FOXP2: variants seen among roughly 807,000 people sequenced by gnomAD.
FOXP2 encodes forkhead box P2, also known as forkhead box protein P2.
Under a neutral mutation model 115.8 loss-of-function variants are expected in FOXP2, and 12 were observed. The observed-to-expected ratio is 0.10, with a 90% CI of 0.07 to 0.17. The LOEUF is 0.17. FOXP2 is among the 10% of genes least tolerant of loss of function. The pLI is 1.00. For synonymous variants in FOXP2, 328 were observed against 297.7 expected, an observed-to-expected ratio of 1.10 and a Z score of -1.05; for missense variants, 629 against 843.5, an observed-to-expected ratio of 0.75 and a Z score of 3.15.
intron 2 of FOXP2, among the ~76,000 whole-genome samples, chr7:114,373,809 A>C (rs1252174267): frequency 6.6e-6 from 1 of 152,232 alleles, no homozygotes; most frequent in African/African-American, 2.4e-5. Flanking sequence ...TAAGATAAGC[A>C]GTGTTCTATC....
At chr7:114,541,408 G>A (rs1005813142) in intron 3 of FOXP2, among the ~76,000 whole-genome samples, 2 of 151,986 alleles carry the variant, frequency 1.3e-5, no homozygotes, top group Non-Finnish European at 2.9e-5. Flanking sequence ...ATTAAGGAAG[G>A]TCAACAAAAG....
intron 3 of FOXP2, among the ~76,000 whole-genome samples, chr7:114,557,766 A>G (rs190207982): frequency 3.9e-5 from 6 of 152,062 alleles, no homozygotes; most frequent in East Asian, 1.9e-4. Flanking sequence ...TTTTGCAACA[A>G]GAATTTTGAC....
At chr7:114,200,357 C>G (rs1367793661) in intron 1 of FOXP2, among the ~76,000 whole-genome samples, 3 of 152,102 alleles carry the variant, frequency 2.0e-5, no homozygotes, top group African/African-American at 4.8e-5. Flanking sequence ...TATGTGACTT[C>G]TTAAGCAATT....
chr7:114,479,114 C>T (rs1294205064), intron 2 of FOXP2, among the ~76,000 whole-genome samples: 1 of 151,588 alleles, frequency 6.6e-6, no homozygotes. Flanking sequence ...AAATGGACAC[C>T]AACTCAAAAT....
At chr7:114,450,370 A>C (rs1168196174) in intron 2 of FOXP2, among the ~76,000 whole-genome samples, 1 of 152,126 alleles carries the variant, frequency 6.6e-6, no homozygotes, top group Admixed American at 6.6e-5. Context: ...CAGGCCTGCC[A>C]CATTAGTATG....
At chr7:114,525,972 C>T (rs1445923905) in intron 2 of FOXP2, among the ~76,000 whole-genome samples, 5 of 151,572 alleles carry the variant, frequency 3.3e-5, no homozygotes, top group African/African-American at 4.9e-5. Flanking sequence ...ATTATCTGGG[C>T]GTGGTAGCAG....
chr7:114,668,637 G>A (rs1435917646), intron 16 of FOXP2: 2 of 152,058 alleles, frequency 1.3e-5, no homozygotes, highest in East Asian at 3.9e-4. Flanking sequence ...CTAATACTTT[G>A]TGTACATGTG....
intron 2 of FOXP2, among the ~76,000 whole-genome samples, chr7:114,507,417 G>A (rs1005256734): frequency 6.6e-6 from 1 of 151,948 alleles, no homozygotes; most frequent in African/African-American, 2.4e-5. Context: ...TGTACATAGA[G>A]TGATGATACT....
intron 1 of FOXP2, among the ~76,000 whole-genome samples, chr7:114,110,724 G>C (rs1019524664): frequency 1.3e-5 from 2 of 152,116 alleles, no homozygotes; most frequent in African/African-American, 4.8e-5. Context: ...GGTTGAGTAT[G>C]GGATATCAAT....
chr7:114,607,814 A>G (rs1385553618), intron 3 of FOXP2, among the ~76,000 whole-genome samples: 1 of 152,214 alleles, frequency 6.6e-6, no homozygotes, highest in Non-Finnish European at 1.5e-5. Context: ...TCTAAGAAAT[A>G]TTTTTGAAAA....
intron 3 of FOXP2, among the ~76,000 whole-genome samples, chr7:114,588,924 G>T (rs891246877): frequency 6.6e-6 from 1 of 152,110 alleles, no homozygotes; most frequent in African/African-American, 2.4e-5. Flanking sequence ...GCTATAAAAA[G>T]AGTAGGAATT....
chr7:114,262,721 G>T (rs552519149), intron 1 of FOXP2, among the ~76,000 whole-genome samples: 1 of 152,258 alleles, frequency 6.6e-6, no homozygotes, highest in East Asian at 1.9e-4. Context: ...TGCAGGTCTA[G>T]TGTAAGGCAA....
intron 14 of FOXP2, among the ~76,000 whole-genome samples, chr7:114,662,422 T>C (rs372259942): frequency 1.8e-4 from 27 of 152,182 alleles, no homozygotes; most frequent in African/African-American, 6.3e-4. Context: ...AATTCAGCAT[T>C]TCTACGTGTA....
chr7:114,475,022 A>G (rs571839845), intron 2 of FOXP2, among the ~76,000 whole-genome samples: 3 of 152,184 alleles, frequency 2.0e-5, no homozygotes, highest in Non-Finnish European at 4.4e-5. Context: ...CTAGCCCAAC[A>G]TAGTCTGTAT....
At chr7:114,403,552 C>T (rs2129197143) in intron 2 of FOXP2, among the ~76,000 whole-genome samples, 1 of 152,238 alleles carries the variant, frequency 6.6e-6, no homozygotes, top group South Asian at 2.1e-4. Context: ...CCATAGAACC[C>T]ATTTATTGCA....
In FOXP2 at chr7:114,583,784, C is replaced by T. The variant is rs563925811; in HGVS notation, c.259-44756C>T. On this transcript the variant is annotated intron_variant, in intron 3 of 16. Transcript: ENST00000350908. ...TTCTGTGACTTCTGAGCAAATAGTT[C>T]CTACATCATTTTTACCAAAAATTAT... 2.7e-3 allele frequency among the ~76,000 whole-genome samples: 414 copies of T among 152,266 alleles called. 1 individual carries two copies. The highest frequency in any genetic ancestry group is 4.2e-3 in the Non-Finnish European group (285 of 68,012).
At position 114,618,490 on chromosome 7, in the gene FOXP2, C is replaced by T. The variant is rs115076048; in HGVS notation, c.259-10050C>T. Among the ~76,000 whole-genome samples, 467 of 152,234 alleles carry T rather than the reference C, an allele frequency of 3.1e-3. 2 individuals are homozygous for T. The highest frequency in any genetic ancestry group is 0.011 in the African/African-American group (451 of 41,534). ...GTGATTTATCCCTTATTGAACTGAA[C>T]TTAGGCTACCTTTGAAGCTGGGCTG... is the stretch of plus-strand genomic sequence containing the variant. On this transcript the variant is annotated intron_variant, in intron 3 of 16. Coordinates refer to ENST00000350908, the MANE Select transcript of FOXP2 (RefSeq NM_014491.4).
chr7:114,506,076 G>A (rs73436157), intron 2 of FOXP2, among the ~76,000 whole-genome samples: 3,417 of 151,664 alleles, frequency 0.023, 92 homozygotes, highest in African/African-American at 0.063. Flanking sequence ...ATCAGTACCT[G>A]CAAAAGTATG....
chr7:114,425,522 C>A (rs1793804513), intron 1 of FOXP2, among the ~76,000 whole-genome samples: 2 of 151,532 alleles, frequency 1.3e-5, no homozygotes, highest in African/African-American at 4.8e-5. Flanking sequence ...CTGATCTTGG[C>A]AGGACATCTC....
Sources: gnomAD v4.1 joint callset for allele counts (sites outside exome capture counted in the v4.1 genomes callset) on GRCh38, gnomAD v4.1.1 for gene constraint, MANE v1.5 for transcripts, NCBI Gene and HGNC (gene_info 2026-07-23, HGNC 2026-07-21) for gene names.